The following EYS variants were observed in gnomAD, a reference collection of about 807,000 sequenced individuals.
EYS encodes the protein protein eyes shut homolog.
EYS carries 250 observed loss-of-function variants against 282.1 expected under a neutral mutation model. The observed-to-expected ratio is 0.89, with a 90% CI of 0.80 to 0.98. EYS has a LOEUF of 0.98. EYS is among the 50% of genes least tolerant of loss of function. EYS has a pLI of 0.00. For synonymous variants in EYS, 1,355 were observed against 1,282.9 expected (o/e 1.06, Z -1.20); for missense variants, 4,016 against 3,709.0 (o/e 1.08, Z -2.15).
intron 31 of EYS, among the ~76,000 whole-genome samples, chr6:64,175,770 T>C (rs557895288): frequency 6.6e-6 from 1 of 152,222 alleles, no homozygotes; most frequent in East Asian, 1.9e-4. Context: ...CAACGGCAAC[T>C]GTGGCTAGAA....
chr6:65,482,427 G>C (rs1025218133), intron 5 of EYS, among the ~76,000 whole-genome samples: 1 of 152,178 alleles, frequency 6.6e-6, no homozygotes, highest in Non-Finnish European at 1.5e-5. Context: ...CAGGGGGTTA[G>C]AGATAGGGTT....
In EYS at chr6:65,443,446, A is replaced by C. The variant is rs556864657; in HGVS notation, c.863-38079T>G. On this transcript the variant is annotated intron_variant, in intron 5 of 42. Transcript: ENST00000503581. ...TGTACATATATGTACACATATAGCC[A>C]TATGTACATATACGCCATACACATG... Among the ~76,000 whole-genome samples the C allele has an allele frequency of 2.8e-5, 4 of 144,682 alleles. 1 individual carries two copies. In the South Asian group the frequency reaches 9.2e-4, roughly 33 times the overall value. The allele number at this position is 144,682 out of a possible 152,430, so 94.9% of individuals were successfully genotyped here.
chr6:64,536,026 T>C (rs938919603), intron 26 of EYS, among the ~76,000 whole-genome samples: 15 of 152,206 alleles, frequency 9.9e-5, no homozygotes, highest in African/African-American at 3.4e-4. Flanking sequence ...GATGAGAATA[T>C]GAATTTTTAA....
intron 33 of EYS, among the ~76,000 whole-genome samples, chr6:64,054,573 GTTGAT>G (rs775197677): frequency 6.6e-6 from 1 of 152,138 alleles, no homozygotes; most frequent in Non-Finnish European, 1.5e-5. Context: ...GTTTTCTATT[GTTGAT>G]TTGATTTGAG....
intron 12 of EYS, among the ~76,000 whole-genome samples, chr6:65,229,813 G>A (rs1458582636): frequency 1.3e-5 from 2 of 151,974 alleles, no homozygotes; most frequent in Non-Finnish European, 1.5e-5. Context: ...GTCCATTTTA[G>A]ATATGAGATG....
chr6:64,398,481 T>A (rs1427185374), intron 28 of EYS, among the ~76,000 whole-genome samples: 2 of 151,136 alleles, frequency 1.3e-5, no homozygotes, highest in Non-Finnish European at 3.0e-5. Context: ...GAAGTGTTCT[T>A]GATATGTGAA....
At chr6:64,457,785 C>T (rs1244423174) in intron 26 of EYS, among the ~76,000 whole-genome samples, 2 of 100,534 alleles carry the variant, frequency 2.0e-5, no homozygotes, top group Non-Finnish European at 3.6e-5. Context: ...GTAGTTGGGT[C>T]ATTTTTTTTC....
intron 12 of EYS, among the ~76,000 whole-genome samples, chr6:65,164,927 T>G (rs969005665): frequency 6.6e-6 from 1 of 151,248 alleles, no homozygotes; most frequent in African/African-American, 2.4e-5. Flanking sequence ...CTCATTTCAA[T>G]TAGGGGCCAC....
intron 14 of EYS, among the ~76,000 whole-genome samples, chr6:64,958,561 C>T (rs1397634015): frequency 2.6e-5 from 4 of 151,378 alleles, no homozygotes; most frequent in Non-Finnish European, 4.4e-5. Flanking sequence ...CGGTGAAACC[C>T]CGTCTCTACT....
At chr6:64,736,460 T>G (rs937434052) in intron 22 of EYS, among the ~76,000 whole-genome samples, 26 of 152,180 alleles carry the variant, frequency 1.7e-4, no homozygotes, top group Admixed American at 1.7e-3. Flanking sequence ...TTTACTCTTT[T>G]AGTGGTATTG....
chr6:64,402,621 CTGTT>C (rs1406947738), intron 28 of EYS, among the ~76,000 whole-genome samples: 1 of 152,196 alleles, frequency 6.6e-6, no homozygotes, highest in Non-Finnish European at 1.5e-5. Flanking sequence ...GGCAAAGTAA[CTGTT>C]TGCATTCATT....
intron 36 of EYS, among the ~76,000 whole-genome samples, chr6:63,843,312 G>A (rs1222954932): frequency 6.6e-6 from 1 of 152,122 alleles, no homozygotes; most frequent in Admixed American, 6.5e-5. Flanking sequence ...TTTTTGAATA[G>A]GGCTTTCTCA....
intron 33 of EYS, among the ~76,000 whole-genome samples, chr6:64,024,432 A>G (rs1220569407): frequency 6.6e-6 from 1 of 152,146 alleles, no homozygotes; most frequent in Non-Finnish European, 1.5e-5. Context: ...CGCACCAATC[A>G]GCACCCTGTC....
intron 12 of EYS, among the ~76,000 whole-genome samples, chr6:65,114,273 A>C (rs1450778121): frequency 6.6e-6 from 1 of 151,452 alleles, no homozygotes; most frequent in Non-Finnish European, 1.5e-5. Flanking sequence ...CTCTTATGAA[A>C]TAAAACAAAC....
rs1561994323 is a variant in EYS at position 63,721,704 on chromosome 6, ACT to A, written c.8325_8326del (p.Lys2775AsnfsTer36). 1 of 1,551,364 alleles carries A rather than the reference ACT, an allele frequency of 6.4e-7. No individual in the cohort carries two copies. The highest frequency in any genetic ancestry group is 2.0e-5 in the Admixed American group (1 of 50,976). Reference sequence around the variant, plus strand: ...ATGCCAAGTACTTCCGTTTATAGTTACTTTTTGGAGAGTTTCTAGAATGATAG... The same window carrying A: ...ATGCCAAGTACTTCCGTTTATAGTTATTTTGGAGAGTTTCTAGAATGATAG... On this transcript the variant is annotated frameshift_variant, in exon 43 of 43. Transcript: ENST00000503581. LOFTEE classifies it low-confidence loss of function (END_TRUNC).
At chr6:65,442,679 A>G (rs1352599051) in intron 5 of EYS, among the ~76,000 whole-genome samples, 1 of 151,834 alleles carries the variant, frequency 6.6e-6, no homozygotes, top group African/African-American at 2.4e-5. Context: ...GTTTGAACCC[A>G]GGAGGTGGAG....
At chr6:64,130,490 G>C (rs1052245620) in intron 31 of EYS, among the ~76,000 whole-genome samples, 8 of 152,210 alleles carry the variant, frequency 5.3e-5, no homozygotes, top group Admixed American at 5.2e-4. Flanking sequence ...TGGGGTGCAG[G>C]GGGGAGGGAT....
chr6:65,100,798 A>G (rs1774874481), intron 12 of EYS, among the ~76,000 whole-genome samples: 1 of 150,798 alleles, frequency 6.6e-6, no homozygotes, highest in African/African-American at 2.4e-5. Flanking sequence ...ATAGAGACCC[A>G]AGGTATATCA....
intron 35 of EYS, among the ~76,000 whole-genome samples, chr6:63,952,752 A>G (rs1210515249): frequency 1.3e-5 from 2 of 151,724 alleles, no homozygotes; most frequent in African/African-American, 2.4e-5. Context: ...CTCCCCTTGT[A>G]TCTCCCCACC....
Sources: gnomAD v4.1 joint callset for allele counts (sites outside exome capture counted in the v4.1 genomes callset) on GRCh38, gnomAD v4.1.1 for gene constraint, MANE v1.5 for transcripts, NCBI Gene and HGNC (gene_info 2026-07-23, HGNC 2026-07-21) for gene names.